The following RNMT variants were observed in gnomAD, a reference collection of about 807,000 sequenced individuals.
RNMT encodes the protein RNA guanine-7 methyltransferase.
In RNMT, 27 loss-of-function variants were observed where a neutral mutation model predicts 56.0. The ratio of observed to expected loss-of-function variants is 0.48; its 90% CI spans 0.36 to 0.67. The LOEUF is 0.67. Among genes scored for constraint, RNMT ranks in the 30% least tolerant of loss-of-function variants. The pLI, the probability that RNMT is intolerant of heterozygous loss-of-function variation, is 0.00. For missense variants in RNMT, 519 were observed against 552.1 expected (o/e 0.94, Z 0.60); for synonymous variants, 184 against 176.2 (o/e 1.04, Z -0.35).
chr18:13,727,083 A>AG (rs1462466652), intron 1 of RNMT, among the ~76,000 whole-genome samples: 3 of 152,206 alleles, frequency 2.0e-5, no homozygotes, highest in Non-Finnish European at 4.4e-5. Flanking sequence ...GTTGAGTAAC[A>AG]GGCCGCGCTA....
intron 9 of RNMT, among the ~76,000 whole-genome samples, chr18:13,746,560 G>T (rs953314860): frequency 2.6e-5 from 4 of 152,210 alleles, no homozygotes; most frequent in Non-Finnish European, 4.4e-5. Context: ...GGATAGTACT[G>T]CTTTAAAATA....
chr18:13,742,049 C>T (rs2044259916), intron 7 of RNMT, among the ~76,000 whole-genome samples: 4 of 152,184 alleles, frequency 2.6e-5, no homozygotes, highest in Admixed American at 2.0e-4. Context: ...TTAAAAGTAG[C>T]TCAAATCAGG....
At chr18:13,753,844 CACACACAA>C (rs1238060835) in intron 10 of RNMT, among the ~76,000 whole-genome samples, 1 of 151,034 alleles carries the variant, frequency 6.6e-6, no homozygotes, top group African/African-American at 2.4e-5. Flanking sequence ...CACACACACA[CACACACAA>C]TGCCCTCTTC....
intron 4 of RNMT, among the ~76,000 whole-genome samples, chr18:13,735,013 T>G (rs2044135397): frequency 6.6e-6 from 1 of 152,158 alleles, no homozygotes; most frequent in Non-Finnish European, 1.5e-5. Flanking sequence ...GAGCCAACAT[T>G]TTATCTATGG....
chr18:13,726,746 G>C lies in RNMT; in HGVS notation c.-172+17G>C, dbSNP rs2043960044. The stretch of plus-strand genomic sequence containing the variant: ...GCTGTGCTGGTGAGTGTGACGGCTG[G>C]AACTCCGGCCCTTCCTTTCTTTGTG... On this transcript the variant is annotated intron_variant, in intron 1 of 11. Coordinates refer to ENST00000383314, the MANE Select transcript of RNMT (RefSeq NM_003799.3). 6.6e-6 allele frequency: 1 copy of C among 152,448 alleles called. No homozygotes were observed. The highest frequency in any genetic ancestry group is 2.4e-5 in the African/African-American group (1 of 41,460). 9.4% of individuals were successfully genotyped at this position (152,448 alleles called of 1,614,324 possible).
chr18:13,732,433 C>T (rs1027617237), intron 3 of RNMT, among the ~76,000 whole-genome samples: 1 of 152,220 alleles, frequency 6.6e-6, no homozygotes, highest in Non-Finnish European at 1.5e-5. Flanking sequence ...AAAATTATAC[C>T]TAGCTTTACA....
chr18:13,756,630 C>CT lies in RNMT; in HGVS notation c.1393+2484dup, dbSNP rs145037101. Among the ~76,000 whole-genome samples the CT allele has an allele frequency of 3.2e-3, 482 of 152,302 alleles. 2 individuals carry two copies. Among genetic ancestry groups the CT allele is most frequent in the African/African-American group, 0.011 (462 of 41,568 alleles). ...TGTTTTCTGTCCTATCGCTGTGCTA[C>CT]TAGCCACATTTCATTTCAACTAAAA... On this transcript the variant is annotated intron_variant, in intron 11 of 11. Transcript: ENST00000383314.
At position 13,731,784 on chromosome 18, in the gene RNMT, C is replaced by T. The variant is rs2044074515; in HGVS notation, c.267C>T (p.Val89=). The change falls in exon 3 of 12, where the codon GTC becomes GTT. Residue 89 remains valine (V), a synonymous_variant. Coordinates refer to ENST00000383314, the MANE Select transcript of RNMT (RefSeq NM_003799.3). ...AGAGAAAACTTGATCCTGAAATTGTCCCAGAGGAAAAAGATTGTGGTGATG... is the reference window on the plus strand; with the variant it reads ...AGAGAAAACTTGATCCTGAAATTGTTCCAGAGGAAAAAGATTGTGGTGATG... The part of the protein sequence containing the change: ...SKKRKLDPEI[V]PEEKDCGDAE... 6.2e-7 allele frequency: 1 copy of T among 1,612,996 alleles called. No homozygotes were observed. The highest frequency in any genetic ancestry group is 1.7e-5 in the Admixed American group (1 of 59,850).
At chr18:13,745,665 T>C (rs928903940) in intron 8 of RNMT, among the ~76,000 whole-genome samples, 1 of 151,592 alleles carries the variant, frequency 6.6e-6, no homozygotes, top group African/African-American at 2.4e-5. Flanking sequence ...ACAGCTGAAC[T>C]ACCGATAGCT....
Position 13,731,387 on chromosome 18 carries a change from G to A in RNMT, c.-42-89G>A, listed in dbSNP as rs562888410. On this transcript the variant is annotated intron_variant, in intron 2 of 11. Transcript: ENST00000383314. ...CATGCCATTGCACTCCAGCCTGGGC[G>A]ACAAGAGTGAAACTCCGTCTCAAAA... The A allele has an allele frequency of 1.2e-3, 772 of 630,438 alleles. 3 individuals carry two copies. The highest frequency in any genetic ancestry group is 1.8e-3 in the Non-Finnish European group (704 of 382,776). The allele number at this position is 630,438 out of a possible 1,614,324, so 39.1% of individuals were successfully genotyped here. A position where few individuals can be genotyped will look rare whatever the true frequency, so the allele number is the denominator to read the frequency against.
At chr18:13,743,739 G>A (rs2044298271) in intron 8 of RNMT, among the ~76,000 whole-genome samples, 1 of 151,558 alleles carries the variant, frequency 6.6e-6, no homozygotes, top group Non-Finnish European at 1.5e-5. Flanking sequence ...AAAAAGAAGA[G>A]GTATATTGTC....
rs1299099187 is a variant in RNMT at position 13,764,352 on chromosome 18, C to T, written c.*4373C>T. The T allele has an allele frequency of 1.3e-5, 2 of 152,188 alleles. No individual in the cohort carries two copies. Among genetic ancestry groups the T allele is most frequent in the Non-Finnish European group, 2.9e-5 (2 of 68,036 alleles). 9.4% of individuals were successfully genotyped at this position (152,188 alleles called of 1,614,324 possible). Reference sequence around the variant, plus strand: ...CAGTTAACTACCTCTCCAAGGGAAACCACTATCCTGAGTTCTAAGCGCATA... The same window carrying T: ...CAGTTAACTACCTCTCCAAGGGAAATCACTATCCTGAGTTCTAAGCGCATA... On this transcript the variant is annotated 3_prime_UTR_variant, in exon 12 of 12. Coordinates refer to ENST00000383314, the MANE Select transcript of RNMT (RefSeq NM_003799.3).
At chr18:13,737,317 G>A (rs2044178577) in intron 5 of RNMT, among the ~76,000 whole-genome samples, 182 bp downstream of exon 5, 1 of 152,084 alleles carries the variant, frequency 6.6e-6, no homozygotes, top group Admixed American at 6.5e-5. Flanking sequence ...TGAGGTGGGT[G>A]GATCACTTGA....
chr18:13,756,007 G>A (rs1406515346), intron 11 of RNMT, among the ~76,000 whole-genome samples: 2 of 152,180 alleles, frequency 1.3e-5, no homozygotes, highest in Non-Finnish European at 2.9e-5. Flanking sequence ...TTGTTTGGCT[G>A]TTTGATGAAT....
At chr18:13,754,733 A>C (rs560796333) in intron 11 of RNMT, among the ~76,000 whole-genome samples, 31 of 152,316 alleles carry the variant, frequency 2.0e-4, no homozygotes, top group Middle Eastern at 3.4e-3. Context: ...TCTCCATTTG[A>C]AGTGTTTACC....
chr18:13,738,030 G>T (rs923569286), intron 5 of RNMT, among the ~76,000 whole-genome samples: 3 of 151,786 alleles, frequency 2.0e-5, no homozygotes, highest in Non-Finnish European at 4.4e-5. Context: ...ACCTTAGCCC[G>T]GTGGTTAGTC....
At chr18:13,752,304 G>A (rs376626237) in intron 9 of RNMT, 22 bp from the exon 10 acceptor site, 2 of 1,436,306 alleles carry the variant, frequency 1.4e-6, no homozygotes, top group African/African-American at 2.8e-5. Flanking sequence ...ATTGTAACTA[G>A]GACTTTCATT....
chr18:13,753,094 C>T (rs373581919), intron 10 of RNMT, among the ~76,000 whole-genome samples: 3 of 152,176 alleles, frequency 2.0e-5, no homozygotes, highest in African/African-American at 7.2e-5. Flanking sequence ...TTTGAAAAAA[C>T]ACAAAAATTG....
At chr18:13,759,309 C>G (rs549193282) in intron 11 of RNMT, among the ~76,000 whole-genome samples, 4 of 152,210 alleles carry the variant, frequency 2.6e-5, no homozygotes, top group Admixed American at 1.3e-4. Flanking sequence ...CAACTTGATT[C>G]AGAACAAGGA....
Sources: gnomAD v4.1 joint callset for allele counts (sites outside exome capture counted in the v4.1 genomes callset) on GRCh38, gnomAD v4.1.1 for gene constraint, MANE v1.5 for transcripts, NCBI Gene and HGNC (gene_info 2026-07-23, HGNC 2026-07-21) for gene names.